TUBGCP3: variants seen among roughly 807,000 people sequenced by gnomAD.
The protein encoded by TUBGCP3 is gamma-tubulin complex component 3.
A neutral mutation model predicts 123.1 loss-of-function variants in TUBGCP3; 50 were observed. The observed-to-expected ratio is 0.41, with a 90% CI of 0.32 to 0.51. TUBGCP3 has a LOEUF of 0.51. TUBGCP3 is among the 20% of genes least tolerant of loss of function. TUBGCP3 has a pLI of 0.36. For synonymous variants in TUBGCP3, 405 were observed against 413.9 expected, an observed-to-expected ratio of 0.98 and a Z score of 0.26; for missense variants, 882 against 1,127.0, an observed-to-expected ratio of 0.78 and a Z score of 3.11.
intron 11 of TUBGCP3, among the ~76,000 whole-genome samples, chr13:112,541,333 G>A (rs1281393635): frequency 6.6e-6 from 1 of 152,108 alleles, no homozygotes; most frequent in Non-Finnish European, 1.5e-5. Flanking sequence ...CCTGAGGTCA[G>A]GAGTTCAAGA....
intron 1 of TUBGCP3, among the ~76,000 whole-genome samples, chr13:112,582,212 C>A (rs747187535): frequency 1.3e-5 from 2 of 152,168 alleles, no homozygotes; most frequent in Non-Finnish European, 2.9e-5. Flanking sequence ...TAAATACTCC[C>A]AAAATACTGT....
chr13:112,592,238 T>C (rs576603617), upstream of TUBGCP3, among the ~76,000 whole-genome samples: 1 of 152,348 alleles, frequency 6.6e-6, no homozygotes, highest in African/African-American at 2.4e-5. This position sits in a 1 kb window ranked among gnomAD's most constrained non-coding sequence, Gnocchi z 4.1. Flanking sequence ...ATTCAAAGTA[T>C]GGACTTTGAT....
chr13:112,495,394 G>A (rs1349493584), intron 20 of TUBGCP3, among the ~76,000 whole-genome samples: 1 of 152,080 alleles, frequency 6.6e-6, no homozygotes, highest in African/African-American at 2.4e-5. Flanking sequence ...CTCTGTCTCA[G>A]GGATGTGCTT....
In TUBGCP3 at chr13:112,486,015, C is replaced by A. The variant is rs763977344; in HGVS notation, c.2702G>T (p.Gly901Val). 12 of 1,605,958 alleles carry A rather than the reference C, an allele frequency of 7.5e-6. No homozygotes were observed. In the South Asian group the frequency reaches 1.3e-4, roughly 18 times the overall value. The change falls in exon 22 of 22, where the codon GGG becomes GTG. Residue 901 changes from glycine (G) to valine (V), a missense_variant. By Grantham distance (109) the Gly-to-Val change is moderately radical. Coordinates refer to ENST00000261965, the MANE Select transcript of TUBGCP3 (RefSeq NM_006322.6). ...GCTTCACGTGTGGGAGCTGCGCCGC[C>A]CCCTGGTACCCAGAGACACACGGAG... ...PRLRVSLGTR[G>V]RRSSHT
At chr13:112,565,849 G>A (rs1238347953) in intron 2 of TUBGCP3, among the ~76,000 whole-genome samples, 1 of 151,874 alleles carries the variant, frequency 6.6e-6, no homozygotes, top group Non-Finnish European at 1.5e-5. Flanking sequence ...GCAGGTGAAT[G>A]GCATGAACCC....
intron 20 of TUBGCP3, among the ~76,000 whole-genome samples, chr13:112,494,163 C>A (rs1049576899): frequency 1.3e-5 from 2 of 151,976 alleles, no homozygotes; most frequent in Admixed American, 1.3e-4. Flanking sequence ...GGGAACGGGG[C>A]CTGGTGTGCC....
chr13:112,519,788 C>A lies in TUBGCP3; in HGVS notation c.1881+98G>T. 6.9e-7 allele frequency: 1 copy of A among 1,447,230 alleles called. No individual in the cohort carries two copies. The highest frequency in any genetic ancestry group is 9.1e-7 in the Non-Finnish European group (1 of 1,094,856). The allele number at this position is 1,447,230 out of a possible 1,614,324, so 89.6% of individuals were successfully genotyped here. A position where few individuals can be genotyped will look rare whatever the true frequency, so the allele number is the denominator to read the frequency against. On this transcript the variant is annotated intron_variant, in intron 15 of 21. Transcript: ENST00000261965. This position sits in a 1 kb window ranked among gnomAD's most constrained non-coding sequence, Gnocchi z 6.2. ...CAGTTTCCAGAAAGATAACGGCTAG[C>A]TGTGCCTGAAACAACATGGAAAACA...
rs1877174249 is a variant in TUBGCP3 at position 112,526,894 on chromosome 13, C to T, written c.1555+48G>A. On this transcript the variant is annotated intron_variant, in intron 13 of 21. Coordinates refer to ENST00000261965, the MANE Select transcript of TUBGCP3 (RefSeq NM_006322.6). ...AGTATCACCATCCTCACATCATCATCAACATCACACCATTGCCATCATCAC... is the reference window on the plus strand; with the variant it reads ...AGTATCACCATCCTCACATCATCATTAACATCACACCATTGCCATCATCAC... 2.2e-6 allele frequency: 3 copies of T among 1,349,352 alleles called. No individual in the cohort carries two copies. In the African/African-American group the frequency reaches 4.3e-5, roughly 19 times the overall value. 83.6% of individuals were successfully genotyped at this position (1,349,352 alleles called of 1,614,324 possible).
At chr13:112,563,629 C>T (rs976363407) in intron 3 of TUBGCP3, among the ~76,000 whole-genome samples, 4 of 150,520 alleles carry the variant, frequency 2.7e-5, no homozygotes, top group East Asian at 2.0e-4. Context: ...TTTGGGAGGC[C>T]GAGACGGACA....
chr13:112,546,586 G>A (rs939126955), intron 10 of TUBGCP3: 1 of 152,446 alleles, frequency 6.6e-6, no homozygotes, highest in African/African-American at 2.4e-5. Context: ...TACACAAAGT[G>A]GGGCTGTGAG....
intron 17 of TUBGCP3, among the ~76,000 whole-genome samples, chr13:112,512,037 G>A (rs971914974): frequency 3.3e-5 from 5 of 152,200 alleles, no homozygotes; most frequent in South Asian, 2.1e-4. Flanking sequence ...TTACATTTTA[G>A]ACAAGAAATA....
intron 20 of TUBGCP3, among the ~76,000 whole-genome samples, chr13:112,491,098 A>G (rs1302610477): frequency 6.6e-6 from 1 of 152,176 alleles, no homozygotes; most frequent in Non-Finnish European, 1.5e-5. Flanking sequence ...TGGCCCCCCA[A>G]AAGGCCCAGC....
At chr13:112,558,458 A>C (rs1490306999) in intron 4 of TUBGCP3, 45 bp from the exon 5 acceptor site, 1 of 1,460,582 alleles carries the variant, frequency 6.8e-7, no homozygotes, top group African/African-American at 1.4e-5. Flanking sequence ...AAATTACAGA[A>C]CAGTCTTCCC....
intron 11 of TUBGCP3, among the ~76,000 whole-genome samples, chr13:112,531,936 AT>A (rs1412057944): frequency 2.0e-5 from 3 of 152,360 alleles, no homozygotes; most frequent in East Asian, 1.9e-4. Flanking sequence ...AAGAAAAAAA[AT>A]AAAACATAAT....
At position 112,545,567 on chromosome 13, in the gene TUBGCP3, A is replaced by T. The variant is rs1878915875; in HGVS notation, c.1335+132T>A. 2.0e-6 allele frequency: 2 copies of T among 992,460 alleles called. No individual in the cohort carries two copies. Among genetic ancestry groups the T allele is most frequent in the Non-Finnish European group, 3.1e-6 (2 of 654,834 alleles). The allele number at this position is 992,460 out of a possible 1,614,324, so 61.5% of individuals were successfully genotyped here. On this transcript the variant is annotated intron_variant, in intron 11 of 21. Coordinates refer to ENST00000261965, the MANE Select transcript of TUBGCP3 (RefSeq NM_006322.6). The surrounding 1 kb of genome is among the most constrained non-coding windows in gnomAD (Gnocchi z 4.1). ...TGTCGAGGCACTGTGTAAAATGTAT[A>T]TGGTATTCAATGGAAGTGCAGTTGC...
upstream of TUBGCP3, among the ~76,000 whole-genome samples, chr13:112,592,579 G>A (rs115222487): frequency 4.5e-3 from 686 of 152,356 alleles, 9 homozygotes; most frequent in African/African-American, 0.015. The surrounding 1 kb of genome is among the most constrained non-coding windows in gnomAD (Gnocchi z 4.1). Flanking sequence ...TATGGCCCTG[G>A]AGTCAGGGGA....
chr13:112,537,148 T>TTA lies in TUBGCP3; in HGVS notation c.1335+8550_1335+8551insTA, dbSNP rs1555340956. Among the ~76,000 whole-genome samples, 944 of 109,040 alleles carry TTA rather than the reference T, an allele frequency of 8.7e-3. 20 individuals are homozygous for TTA. Among genetic ancestry groups the TTA allele is most frequent in the African/African-American group, 0.039 (886 of 22,912 alleles). 71.5% of individuals were successfully genotyped at this position (109,040 alleles called of 152,430 possible). On this transcript the variant is annotated intron_variant, in intron 11 of 21. Coordinates refer to ENST00000261965, the MANE Select transcript of TUBGCP3 (RefSeq NM_006322.6). ...TTTCCTTTTTTTTTTTTTTTTTTTT[T>TTA]AAAAAAAAAAAAAACCTTGACTAAT...
intron 3 of TUBGCP3, among the ~76,000 whole-genome samples, chr13:112,564,270 C>G (rs1352390729): frequency 6.6e-6 from 1 of 152,102 alleles, no homozygotes; most frequent in East Asian, 1.9e-4. Flanking sequence ...TTCCAGAGCA[C>G]AATATAACAA....
intron 11 of TUBGCP3, among the ~76,000 whole-genome samples, chr13:112,531,344 T>C (rs982414282): frequency 6.6e-6 from 1 of 152,208 alleles, no homozygotes; most frequent in Middle Eastern, 3.2e-3. Context: ...GAGATCTATA[T>C]TGCCCTTCAG....
Sources: gnomAD v4.1 joint callset for allele counts (sites outside exome capture counted in the v4.1 genomes callset) on GRCh38, gnomAD v4.1.1 for gene constraint, Gnocchi (gnomAD v3.1) non-coding constraint, MANE v1.5 for transcripts, NCBI Gene and HGNC (gene_info 2026-07-23, HGNC 2026-07-21) for gene names.